The following NPL variants were observed in gnomAD, a reference collection of about 807,000 sequenced individuals.
NPL encodes N-acetylneuraminate pyruvate lyase.
Under a neutral mutation model 41.1 loss-of-function variants are expected in NPL, and 32 were observed. That is an observed-to-expected ratio of 0.78 (90% CI 0.59 to 1.05). The LOEUF (loss-of-function observed/expected upper bound fraction) is 1.05. NPL is among the 50% of genes least tolerant of loss of function. The probability of loss-of-function intolerance (pLI) is 0.00; values close to 1 mark genes in which losing one functional copy is unlikely to be tolerated. For missense variants in NPL, 321 were observed against 378.4 expected, an observed-to-expected ratio of 0.85 and a Z score of 1.26; for synonymous variants, 128 against 134.9, an observed-to-expected ratio of 0.95 and a Z score of 0.35.
chr1:182,814,611 C>T (rs73065378), intron 6 of NPL, among the ~76,000 whole-genome samples, 172 bp from the exon 7 acceptor site: 1,611 of 152,266 alleles, frequency 0.011, 31 homozygotes, highest in African/African-American at 0.037. Flanking sequence ...CTCTACTTTG[C>T]GACCTGGGAT....
At chr1:182,803,361 G>A (rs1406471695) in intron 3 of NPL, among the ~76,000 whole-genome samples, 3 of 152,316 alleles carry the variant, frequency 2.0e-5, no homozygotes, top group Admixed American at 6.5e-5. Flanking sequence ...CAAAAGATGT[G>A]TGGCCATATG....
At chr1:182,793,748 A>G (rs1666579974) in intron 2 of NPL, among the ~76,000 whole-genome samples, 1 of 152,244 alleles carries the variant, frequency 6.6e-6, no homozygotes, top group African/African-American at 2.4e-5. Context: ...AAGAATGAAG[A>G]CAATGGAAAG....
intron 2 of NPL, 44 bp from the exon 3 acceptor site, chr1:182,794,312 A>C: frequency 6.6e-7 from 1 of 1,518,628 alleles, no homozygotes; most frequent in South Asian, 1.1e-5. Flanking sequence ...TTTATCATTG[A>C]CATTCCTTGA....
At chr1:182,796,754 C>T (rs1035685202) in intron 3 of NPL, among the ~76,000 whole-genome samples, 6 of 151,988 alleles carry the variant, frequency 3.9e-5, no homozygotes, top group Non-Finnish European at 8.8e-5. Context: ...AGAGCTCTCT[C>T]GGCCGGGCAC....
intron 12 of NPL, chr1:182,826,104 T>G (rs1389219053): frequency 2.0e-6 from 1 of 511,706 alleles, no homozygotes; most frequent in Non-Finnish European, 3.5e-6. Flanking sequence ...CTTCAGCTCA[T>G]TAAAATTCTA....
chr1:182,813,580 T>C (rs781343779), intron 6 of NPL, among the ~76,000 whole-genome samples: 14 of 152,216 alleles, frequency 9.2e-5, no homozygotes, highest in Non-Finnish European at 2.1e-4. Flanking sequence ...AATACAAATT[T>C]TAAAATATTA....
rs60905476 is a variant in NPL, at chr1:182,813,152, C to CA, written c.288+956dup. 5.6e-3 allele frequency among the ~76,000 whole-genome samples: 316 copies of CA among 56,632 alleles called. 1 individual carries two copies. Among genetic ancestry groups the CA allele is most frequent in the Middle Eastern group, 0.013 (1 of 76 alleles). The allele number at this position is 56,632 out of a possible 152,430, so 37.2% of individuals were successfully genotyped here. On this transcript the variant is annotated intron_variant, in intron 6 of 12. Transcript: ENST00000367553. ...TGGGCAACAGAGTGAGACTCCATCTCAAAAAAAAAAAAAAAAAGCACAAAG... is the reference window on the plus strand; with the variant it reads ...TGGGCAACAGAGTGAGACTCCATCTCAAAAAAAAAAAAAAAAAAGCACAAAG...
At chr1:182,812,984 C>G (rs1667218777) in intron 6 of NPL, among the ~76,000 whole-genome samples, 1 of 151,970 alleles carries the variant, frequency 6.6e-6, no homozygotes, top group Non-Finnish European at 1.5e-5. Context: ...GAAACCTTGT[C>G]TCTACTAAAA....
chr1:182,825,854 C>T, intron 12 of NPL, 34 bp downstream of exon 12: 3 of 1,533,846 alleles, frequency 2.0e-6, no homozygotes, highest in Non-Finnish European at 2.7e-6. Flanking sequence ...TTGTCTGCTG[C>T]TGGAGACTGT....
At chr1:182,797,609 G>A (rs1341751373) in intron 3 of NPL, among the ~76,000 whole-genome samples, 1 of 151,712 alleles carries the variant, frequency 6.6e-6, no homozygotes, top group African/African-American at 2.4e-5. Context: ...CTTCTTTCTT[G>A]CTCCACTTGA....
chr1:182,825,749 A>C (rs1667613695), intron 11 of NPL, 32 bp from the exon 12 acceptor site: 5 of 1,360,810 alleles, frequency 3.7e-6, no homozygotes, highest in Non-Finnish European at 5.2e-6. Flanking sequence ...CAGTTCAATA[A>C]TACTAACTAT....
intron 5 of NPL, 109 bp from the exon 6 acceptor site, chr1:182,812,047 G>A: frequency 2.0e-6 from 2 of 992,238 alleles, no homozygotes; most frequent in Non-Finnish European, 1.6e-6. Flanking sequence ...TAATAAGTGA[G>A]ATTAATAAGG....
Position 182,803,603 on chromosome 1 carries a change from C to G in NPL, c.69-95C>G, listed in dbSNP as rs1042678057. ...CACAAATTGAGTGGATTTTTAATAA[C>G]TATTAGCAAGAGGGAGCAGTTTATA... On this transcript the variant is annotated intron_variant, in intron 3 of 12. Transcript: ENST00000367553. 4.9e-6 allele frequency: 4 copies of G among 817,072 alleles called. No individual in the cohort carries two copies. In the African/African-American group the frequency reaches 5.1e-5, roughly 10 times the overall value. The allele number at this position is 817,072 out of a possible 1,614,324, so 50.6% of individuals were successfully genotyped here.
intron 4 of NPL, among the ~76,000 whole-genome samples, 178 bp from the exon 5 acceptor site, chr1:182,805,967 C>T (rs1666995778): frequency 6.6e-6 from 1 of 152,240 alleles, no homozygotes; most frequent in South Asian, 2.1e-4. Context: ...AACCTTCCCA[C>T]TGCCTTTGAC....
rs1232948093 is a variant in NPL, at chr1:182,827,425, T to C, written c.779-1299T>C. On this transcript the variant is annotated intron_variant, in intron 12 of 12. Transcript: ENST00000367553. ...TGTTATCTGTAAAGAATGTTTTGAC[T>C]ACATTTACTCAAATCTCTCATTCTG... 2.0e-5 allele frequency among the ~76,000 whole-genome samples: 3 copies of C among 152,258 alleles called. No individual in the cohort carries two copies. In the East Asian group the frequency reaches 5.8e-4, roughly 29 times the overall value.
chr1:182,795,528 G>A (rs1666636650), intron 3 of NPL, among the ~76,000 whole-genome samples: 1 of 152,068 alleles, frequency 6.6e-6, no homozygotes, highest in South Asian at 2.1e-4. Context: ...AATTTCTCAT[G>A]TCTTTTAGTA....
At chr1:182,803,142 C>T (rs1288760547) in intron 3 of NPL, among the ~76,000 whole-genome samples, 1 of 152,176 alleles carries the variant, frequency 6.6e-6, no homozygotes, top group African/African-American at 2.4e-5. Context: ...TTTCCATCCT[C>T]TGTAATGACT....
intron 10 of NPL, among the ~76,000 whole-genome samples, chr1:182,820,345 A>G (rs536750505): frequency 7.9e-5 from 12 of 152,318 alleles, no homozygotes; most frequent in African/African-American, 2.6e-4. Flanking sequence ...CATTTATAAC[A>G]TGTCTTGGTG....
At chr1:182,809,837 CA>C (rs1161260332) in intron 5 of NPL, 2 of 152,066 alleles carry the variant, frequency 1.3e-5, no homozygotes, top group Non-Finnish European at 2.9e-5. Flanking sequence ...TTTAAATTTC[CA>C]ACAGTGGTAG....
Sources: gnomAD v4.1 joint callset for allele counts (sites outside exome capture counted in the v4.1 genomes callset) on GRCh38, gnomAD v4.1.1 for gene constraint, MANE v1.5 for transcripts, NCBI Gene and HGNC (gene_info 2026-07-23, HGNC 2026-07-21) for gene names.